Variants in TENM2 observed in about 807,000 individuals in gnomAD.
TENM2 encodes teneurin transmembrane protein 2, also known as teneurin-2.
TENM2 carries 52 observed loss-of-function variants against 245.2 expected under a neutral mutation model. That is an observed-to-expected ratio of 0.21 (90% CI 0.17 to 0.27). The LOEUF is 0.27. Among genes scored for constraint, TENM2 ranks in the 10% least tolerant of loss-of-function variants. The pLI, the probability that TENM2 is intolerant of heterozygous loss-of-function variation, is 1.00. For missense variants in TENM2, 3,046 were observed against 3,666.8 expected (o/e 0.83, Z 4.37); for synonymous variants, 1,363 against 1,438.9 (o/e 0.95, Z 1.19).
At chr5:167,658,934 C>T (rs1252612179) in intron 2 of TENM2, among the ~76,000 whole-genome samples, 1 of 152,166 alleles carries the variant, frequency 6.6e-6, no homozygotes, top group Non-Finnish European at 1.5e-5. Flanking sequence ...ATATACATTT[C>T]CCTTAATTGT....
chr5:167,473,144 T>G (rs900476638), intron 2 of TENM2, among the ~76,000 whole-genome samples: 7 of 152,238 alleles, frequency 4.6e-5, no homozygotes, highest in Admixed American at 6.5e-5. Flanking sequence ...CTTTGATATT[T>G]TTATGATTAA....
chr5:168,030,719 G>A (rs543622683), intron 5 of TENM2, among the ~76,000 whole-genome samples: 1 of 152,290 alleles, frequency 6.6e-6, no homozygotes, highest in South Asian at 2.1e-4. Flanking sequence ...GCTCTATGAA[G>A]CTACACAAGG....
intron 4 of TENM2, among the ~76,000 whole-genome samples, chr5:167,980,298 C>T (rs1179573436): frequency 2.6e-5 from 4 of 152,126 alleles, no homozygotes; most frequent in Non-Finnish European, 5.9e-5. Context: ...TCAGCTGTAA[C>T]CTTGGACAAG....
At chr5:167,607,532 C>G (rs762530303) in intron 2 of TENM2, among the ~76,000 whole-genome samples, 2 of 152,184 alleles carry the variant, frequency 1.3e-5, no homozygotes, top group Non-Finnish European at 2.9e-5. Context: ...CAGTTGATGA[C>G]CATTACTTCG....
chr5:167,835,020 A>C (rs1186303199), intron 2 of TENM2, among the ~76,000 whole-genome samples: 4 of 152,178 alleles, frequency 2.6e-5, no homozygotes, highest in African/African-American at 9.7e-5. Flanking sequence ...TTGAATCAAG[A>C]AATATCTGGG....
At chr5:167,669,857 T>C (rs1672060169) in intron 2 of TENM2, among the ~76,000 whole-genome samples, 1 of 129,654 alleles carries the variant, frequency 7.7e-6, no homozygotes, top group African/African-American at 3.4e-5. Context: ...GCTGCCACTT[T>C]TGAGGTTTTT....
At chr5:167,619,942 A>G (rs567971545) in intron 2 of TENM2, among the ~76,000 whole-genome samples, 18 of 152,210 alleles carry the variant, frequency 1.2e-4, no homozygotes, top group Non-Finnish European at 2.6e-4. Context: ...TACCACCACT[A>G]ATGTGGTCCA....
the TENM2 span, among the ~76,000 whole-genome samples, chr5:167,200,658 C>T: frequency 6.6e-6 from 1 of 151,984 alleles, no homozygotes; most frequent in African/African-American, 2.4e-5. Context: ...TCAGCATCTC[C>T]AGTGATACCA....
chr5:168,097,758 G>A (rs1234962798), intron 8 of TENM2, among the ~76,000 whole-genome samples: 1 of 152,032 alleles, frequency 6.6e-6, no homozygotes, highest in Non-Finnish European at 1.5e-5. Context: ...GATGAGACTG[G>A]TAGTTTATTC....
the TENM2 span, among the ~76,000 whole-genome samples, chr5:167,237,322 A>T: frequency 6.6e-6 from 1 of 152,266 alleles, no homozygotes; most frequent in Admixed American, 6.5e-5. Context: ...GAATATTCAT[A>T]TTTCATCAAT....
chr5:167,759,900 AT>A (rs547956642), intron 2 of TENM2, among the ~76,000 whole-genome samples: 972 of 39,682 alleles, frequency 0.024, 12 homozygotes, highest in African/African-American at 0.046. Context: ...ATAAGGTGTG[AT>A]TTTTTAAAAA....
At chr5:167,719,027 A>C (rs1013074434) in intron 2 of TENM2, among the ~76,000 whole-genome samples, 1 of 152,182 alleles carries the variant, frequency 6.6e-6, no homozygotes, top group African/African-American at 2.4e-5. Context: ...CTGATGTTGA[A>C]CTCAATCCAT....
intron 5 of TENM2, among the ~76,000 whole-genome samples, chr5:168,041,915 C>G (rs1319152136): frequency 2.0e-5 from 3 of 152,216 alleles, no homozygotes; most frequent in Non-Finnish European, 2.9e-5. Flanking sequence ...CTGCTGATTG[C>G]AAAGGGGCCT....
chr5:167,205,257 T>TGCACACCG, the TENM2 span, among the ~76,000 whole-genome samples: 2 of 152,258 alleles, frequency 1.3e-5, no homozygotes, highest in East Asian at 1.9e-4. Context: ...GGTGCACACC[T>TGCACACCG]GTAGTCTCAG....
chr5:167,224,642 T>G, the TENM2 span, among the ~76,000 whole-genome samples: 2 of 152,062 alleles, frequency 1.3e-5, no homozygotes, highest in Non-Finnish European at 1.5e-5. Context: ...GCCTTGTTCT[T>G]TTTACTCAGG....
At chr5:167,666,472 CATTA>C in intron 2 of TENM2, among the ~76,000 whole-genome samples, 1 of 152,222 alleles carries the variant, frequency 6.6e-6, no homozygotes, top group Admixed American at 6.5e-5. Context: ...TGGAAACAAA[CATTA>C]ATTATGATAT....
In TENM2 at chr5:167,959,893, C is replaced by A. The variant is rs138873097; in HGVS notation, c.947+7071C>A. Among the ~76,000 whole-genome samples, 11 of 152,228 alleles carry A rather than the reference C, an allele frequency of 7.2e-5. 1 individual carries two copies. The highest frequency in any genetic ancestry group is 2.6e-4 in the African/African-American group (11 of 41,542). ...CCTTCAGATGGGTTTTCTGAGTGGA[C>A]GTCCTTTTTGTTGATGGTGATGCTA... On this transcript the variant is annotated intron_variant, in intron 4 of 28. Coordinates refer to ENST00000518659, the Ensembl canonical transcript of TENM2.
intron 13 of TENM2, among the ~76,000 whole-genome samples, chr5:168,181,324 T>A (rs1168489067): frequency 6.6e-6 from 1 of 152,246 alleles, no homozygotes; most frequent in Non-Finnish European, 1.5e-5. Context: ...TTTCCCCCAG[T>A]GGCTTCAAGG....
At chr5:167,947,880 A>G (rs1223164186) in intron 3 of TENM2, among the ~76,000 whole-genome samples, 3 of 151,974 alleles carry the variant, frequency 2.0e-5, no homozygotes, top group Non-Finnish European at 4.4e-5. Flanking sequence ...TTTTTCTTTC[A>G]TATATTTTAT....
Sources: gnomAD v4.1 joint callset for allele counts (sites outside exome capture counted in the v4.1 genomes callset) on GRCh38, gnomAD v4.1.1 for gene constraint, MANE v1.5 for transcripts, NCBI Gene and HGNC (gene_info 2026-07-23, HGNC 2026-07-21) for gene names.